The following FRRS1 variants were observed in gnomAD, a reference collection of about 807,000 sequenced individuals.
FRRS1 encodes the protein ferric reductase 1.
Under a neutral mutation model 70.7 loss-of-function variants are expected in FRRS1, and 51 were observed. The ratio of observed to expected loss-of-function variants is 0.72; its 90% CI spans 0.58 to 0.91. The LOEUF (loss-of-function observed/expected upper bound fraction) is 0.91, where lower values mean the gene tolerates loss of function less well. Ranked by LOEUF, FRRS1 falls within the 40% of genes least tolerant of loss-of-function variation. FRRS1 has a pLI of 0.00. For missense variants in FRRS1, 672 were observed against 726.0 expected (o/e 0.93, Z 0.86); for synonymous variants, 225 against 238.7 (o/e 0.94, Z 0.53).
rs150884888 is a variant in FRRS1, at chr1:99,748,822, G to A, written c.1-54C>T. 76 of 1,376,582 alleles carry A rather than the reference G, an allele frequency of 5.5e-5. No individual in the cohort carries two copies. The African/African-American group carries it at 8.7e-4, about 16-fold the overall frequency. The allele number at this position is 1,376,582 out of a possible 1,614,324, so 85.3% of individuals were successfully genotyped here. On this transcript the variant is annotated intron_variant, in intron 2 of 16. Transcript: ENST00000646001. ...TGTCATATATAATTAAAATATAAAA[G>A]CTTTTACACAACTGGACCATAATTC...
rs115880237 is a variant in FRRS1, at chr1:99,741,602, A to C, written c.428+577T>G. Among the ~76,000 whole-genome samples the C allele has an allele frequency of 6.7e-3, 1,025 of 152,314 alleles. 11 individuals carry two copies. The highest frequency in any genetic ancestry group is 0.023 in the African/African-American group (958 of 41,558). On this transcript the variant is annotated intron_variant, in intron 5 of 16. Coordinates refer to ENST00000646001, the MANE Select transcript of FRRS1 (RefSeq NM_001361041.2). ...CTGTTTTAATTCTACTGAGTTTCAT[A>C]ATTTGAGAGGCATGCAGTCTTTCTG...
chr1:99,751,056 G>T (rs1656545915), intron 1 of FRRS1, among the ~76,000 whole-genome samples: 1 of 152,128 alleles, frequency 6.6e-6, no homozygotes, highest in African/African-American at 2.4e-5. Context: ...AAGTGGGTAG[G>T]TATCATCTAA....
intron 1 of FRRS1, among the ~76,000 whole-genome samples, chr1:99,756,711 A>T (rs745695796): frequency 6.6e-5 from 10 of 152,214 alleles, no homozygotes; most frequent in African/African-American, 9.6e-5. Flanking sequence ...CTCTAAGAAC[A>T]TGTGAGAATA....
At chr1:99,713,755 C>T (rs919144899) in intron 12 of FRRS1, among the ~76,000 whole-genome samples, 10 of 152,238 alleles carry the variant, frequency 6.6e-5, no homozygotes, top group Middle Eastern at 3.4e-3. Context: ...AGTGGATATC[C>T]CAGCTCTGAC....
intron 1 of FRRS1, among the ~76,000 whole-genome samples, chr1:99,764,278 T>G (rs1571166753): frequency 6.6e-6 from 1 of 152,212 alleles, no homozygotes; most frequent in East Asian, 1.9e-4. Context: ...AAAAAAACCT[T>G]TATACATGCT....
At chr1:99,750,778 G>T (rs1203200910) in intron 1 of FRRS1, among the ~76,000 whole-genome samples, 1 of 150,246 alleles carries the variant, frequency 6.7e-6, no homozygotes, top group South Asian at 2.1e-4. Context: ...AAGAGGGAAG[G>T]AAACAGAAGA....
chr1:99,753,224 A>AG (rs1416178314), intron 1 of FRRS1, among the ~76,000 whole-genome samples: 4 of 106,676 alleles, frequency 3.7e-5, no homozygotes, highest in Non-Finnish European at 6.7e-5. Context: ...GATTTAAAAA[A>AG]AAAAAAAAAA....
chr1:99,763,816 C>T (rs1657222992), intron 1 of FRRS1, among the ~76,000 whole-genome samples: 1 of 145,390 alleles, frequency 6.9e-6, no homozygotes, highest in Non-Finnish European at 1.5e-5. Context: ...TGAGGTGAGC[C>T]GAGATGGCAC....
chr1:99,728,260 G>A (rs1383291572), intron 9 of FRRS1, among the ~76,000 whole-genome samples: 2 of 151,318 alleles, frequency 1.3e-5, no homozygotes, highest in African/African-American at 4.9e-5. Flanking sequence ...TTACTAATCA[G>A]AAGCCATTTT....
At position 99,738,272 on chromosome 1, in the gene FRRS1, G is replaced by A; in HGVS notation, c.577-4C>T. 1 of 1,562,680 alleles carries A rather than the reference G, an allele frequency of 6.4e-7. No homozygotes were observed. The highest frequency in any genetic ancestry group is 8.6e-7 in the Non-Finnish European group (1 of 1,156,928). The stretch of plus-strand genomic sequence containing the variant: ...TCCCACAATCTGAGGCACTGAACTA[G>A]AAAAATGACAGAGGAAAAAAAAATC... On this transcript the variant is annotated splice_polypyrimidine_tract_variant and splice_region_variant and intron_variant, in intron 6 of 16. Transcript: ENST00000646001.
In FRRS1 at chr1:99,720,849, A is replaced by G. The variant is rs890925484; in HGVS notation, c.1007-1202T>C. 1.1e-3 allele frequency among the ~76,000 whole-genome samples: 163 copies of G among 149,016 alleles called. 4 individuals are homozygous for G. The highest frequency in any genetic ancestry group is 2.2e-4 in the Non-Finnish European group (15 of 66,738). On this transcript the variant is annotated intron_variant, in intron 9 of 16. Transcript: ENST00000646001. The stretch of plus-strand genomic sequence containing the variant: ...AGCATTTCCTAACACACACACACAC[A>G]CACACACACACACACACACACACAC...
intron 1 of FRRS1, among the ~76,000 whole-genome samples, chr1:99,754,497 GAGAGAGAGAA>G (rs1407997753): frequency 9.1e-6 from 1 of 109,846 alleles, no homozygotes; most frequent in Non-Finnish European, 1.8e-5. Flanking sequence ...AAGAGAGAGA[GAGAGAGAGAA>G]AGAGAGAGAG....
At position 99,728,709 on chromosome 1, in the gene FRRS1, A is replaced by G; in HGVS notation, c.859-69T>C. On this transcript the variant is annotated intron_variant, in intron 8 of 16. Transcript: ENST00000646001. ...TTGCTAAAAATAAGATATGATCAAA[A>G]TCCTGCCCTGTTCAGTTTCCTTTCT... 12 of 1,372,042 alleles carry G rather than the reference A, an allele frequency of 8.7e-6. No individual in the cohort carries two copies. In the South Asian group the frequency reaches 1.6e-4, roughly 18 times the overall value. 85.0% of individuals were successfully genotyped at this position (1,372,042 alleles called of 1,614,324 possible).
At chr1:99,754,842 C>A (rs1052095178) in intron 1 of FRRS1, among the ~76,000 whole-genome samples, 1 of 152,178 alleles carries the variant, frequency 6.6e-6, no homozygotes, top group Non-Finnish European at 1.5e-5. Flanking sequence ...CTGTTAAACG[C>A]CAGATATTGT....
At chr1:99,741,434 G>A (rs1045196881) in intron 5 of FRRS1, among the ~76,000 whole-genome samples, 6 of 152,120 alleles carry the variant, frequency 3.9e-5, no homozygotes, top group Non-Finnish European at 8.8e-5. Flanking sequence ...TGTGTGTTGG[G>A]GACCCACGCA....
chr1:99,725,421 C>A (rs1318553655), intron 9 of FRRS1, among the ~76,000 whole-genome samples: 2 of 152,214 alleles, frequency 1.3e-5, no homozygotes, highest in Admixed American at 1.3e-4. Context: ...CTTGGGAAAA[C>A]CCCATCCTAG....
At chr1:99,740,395 G>C (rs1046962891) in intron 6 of FRRS1, among the ~76,000 whole-genome samples, 1 of 152,070 alleles carries the variant, frequency 6.6e-6, no homozygotes, top group African/African-American at 2.4e-5. Context: ...TCCTACAGAG[G>C]ACTCCAAAAC....
intron 7 of FRRS1, among the ~76,000 whole-genome samples, chr1:99,730,371 T>C (rs1311367444): frequency 2.6e-5 from 4 of 152,186 alleles, no homozygotes; most frequent in African/African-American, 7.2e-5. Context: ...ATCTACCTCT[T>C]ATCTATCCTT....
At chr1:99,733,363 A>G (rs558685275) in intron 7 of FRRS1, among the ~76,000 whole-genome samples, 1 of 152,358 alleles carries the variant, frequency 6.6e-6, no homozygotes, top group South Asian at 2.1e-4. Flanking sequence ...GTACCTGGAG[A>G]TCAGTAGCAG....
Sources: allele counts gnomAD v4.1 joint callset (sites outside exome capture counted in the v4.1 genomes callset), GRCh38; gene constraint gnomAD v4.1.1; transcripts MANE v1.5; gene names NCBI Gene and HGNC (gene_info 2026-07-23, HGNC 2026-07-21).